ZFAT: variants seen among roughly 807,000 people sequenced by gnomAD.
ZFAT encodes zinc finger and AT-hook domain containing.
Under a neutral mutation model 117.7 loss-of-function variants are expected in ZFAT, and 64 were observed. That is an observed-to-expected ratio of 0.54 (90% confidence interval 0.44 to 0.67). The LOEUF (loss-of-function observed/expected upper bound fraction) is 0.67, where lower values mean the gene tolerates loss of function less well. Among genes scored for constraint, ZFAT ranks in the 30% least tolerant of loss-of-function variants. The probability of loss-of-function intolerance (pLI) is 0.00; values close to 1 mark genes in which losing one functional copy is unlikely to be tolerated. For missense variants in ZFAT, 1,433 were observed against 1,584.5 expected (o/e 0.90, Z 1.62); for synonymous variants, 679 against 615.0 (o/e 1.10, Z -1.54).
At position 134,478,726 on chromosome 8, in the gene ZFAT, G is replaced by A. The variant is rs917870993; in HGVS notation, c.3493-5C>T. The A allele has an allele frequency of 3.3e-5, 51 of 1,551,954 alleles. No homozygotes were observed. The highest frequency in any genetic ancestry group is 1.7e-4 in the East Asian group (7 of 41,150). On this transcript the variant is annotated splice_polypyrimidine_tract_variant and splice_region_variant and intron_variant, in intron 15 of 15. Transcript: ENST00000377838. The surrounding 1 kb of genome is among the most constrained non-coding windows in gnomAD (Gnocchi z 5.2). ...GCTGGGCTCCTCCTCGGTGACCTGCGGGAGGAGGGCAAGAGAAAGGTCACC... is the reference window on the plus strand; with the variant it reads ...GCTGGGCTCCTCCTCGGTGACCTGCAGGAGGAGGGCAAGAGAAAGGTCACC...
intron 4 of ZFAT, 136 bp from the exon 5 acceptor site, chr8:134,609,015 C>T: frequency 9.2e-7 from 1 of 1,092,882 alleles, no homozygotes; most frequent in Middle Eastern, 3.1e-4. Flanking sequence ...TTTCACTCAG[C>T]TCGCACATTT....
chr8:134,760,477 C>A, the ZFAT span, among the ~76,000 whole-genome samples: 1 of 152,232 alleles, frequency 6.6e-6, no homozygotes, highest in East Asian at 1.9e-4. Context: ...TCTATCTGTT[C>A]TCTGTTGGAG....
At chr8:134,750,643 G>A in the ZFAT span, among the ~76,000 whole-genome samples, 3 of 152,170 alleles carry the variant, frequency 2.0e-5, no homozygotes, top group South Asian at 2.1e-4. Flanking sequence ...GTGCATGCCT[G>A]TAGTCCAAAC....
At chr8:134,626,831 T>A (rs568292911) in intron 3 of ZFAT, among the ~76,000 whole-genome samples, 17 of 152,360 alleles carry the variant, frequency 1.1e-4, no homozygotes, top group Admixed American at 2.0e-4. Flanking sequence ...TCTGAGCTTT[T>A]TATCTGAACT....
chr8:134,508,305 A>T (rs1819563673), intron 15 of ZFAT, among the ~76,000 whole-genome samples: 1 of 152,214 alleles, frequency 6.6e-6, no homozygotes. Context: ...CAGCGCTGGG[A>T]TGTCCCCTCC....
the ZFAT span, among the ~76,000 whole-genome samples, chr8:134,762,317 G>T: frequency 6.6e-6 from 1 of 152,180 alleles, no homozygotes; most frequent in African/African-American, 2.4e-5. Flanking sequence ...CTCTGTGACA[G>T]AATTGTTTGT....
chr8:134,769,467 G>A, the ZFAT span, among the ~76,000 whole-genome samples: 2 of 152,210 alleles, frequency 1.3e-5, no homozygotes, highest in African/African-American at 2.4e-5. Context: ...GCAAGAGGTG[G>A]GTTTCCATGG....
At chr8:134,536,472 C>T (rs1421977892) in intron 11 of ZFAT, among the ~76,000 whole-genome samples, 1 of 152,166 alleles carries the variant, frequency 6.6e-6, no homozygotes, top group African/African-American at 2.4e-5. Flanking sequence ...AAGTCAATTA[C>T]CACCCATTTT....
At chr8:134,632,313 A>G (rs1829943133) in intron 3 of ZFAT, among the ~76,000 whole-genome samples, 2 of 152,246 alleles carry the variant, frequency 1.3e-5, no homozygotes, top group African/African-American at 4.8e-5. Flanking sequence ...GAAATAGTAT[A>G]TAATACATAT....
At chr8:134,796,429 A>G in the ZFAT span, 12 of 152,234 alleles carry the variant, frequency 7.9e-5, no homozygotes, top group Non-Finnish European at 1.3e-4. Flanking sequence ...GCAGTAAAGA[A>G]CTGCTGGTTG....
chr8:134,570,996 A>G (rs1824850807), intron 10 of ZFAT, among the ~76,000 whole-genome samples: 1 of 152,202 alleles, frequency 6.6e-6, no homozygotes, highest in African/African-American at 2.4e-5. Flanking sequence ...AGAGAGGACC[A>G]AAGGTGGAGG....
At chr8:134,667,403 G>C in intron 1 of ZFAT, among the ~76,000 whole-genome samples, 1 of 150,080 alleles carries the variant, frequency 6.7e-6, no homozygotes, top group Non-Finnish European at 1.5e-5. Flanking sequence ...TGAGGCAGGA[G>C]AATGGCATGA....
intron 2 of ZFAT, among the ~76,000 whole-genome samples, chr8:134,653,310 T>A (rs1447105220): frequency 7.3e-6 from 1 of 136,670 alleles, no homozygotes; most frequent in East Asian, 2.4e-4. Context: ...AGGGTCTCAC[T>A]CTATCACCCA....
chr8:134,577,890 G>A (rs75798230), intron 10 of ZFAT, among the ~76,000 whole-genome samples: 3,045 of 152,246 alleles, frequency 0.02, 114 homozygotes, highest in African/African-American at 0.07. Context: ...AGAAAGATAA[G>A]CCAAGGAGAG....
intron 11 of ZFAT, 61 bp from the exon 12 acceptor site, chr8:134,533,033 G>A: frequency 1.3e-6 from 2 of 1,546,978 alleles, no homozygotes; most frequent in South Asian, 1.2e-5. Flanking sequence ...CTTCGCTGCT[G>A]CTCCCACCTG....
chr8:134,770,721 A>C, the ZFAT span, among the ~76,000 whole-genome samples: 3 of 152,252 alleles, frequency 2.0e-5, no homozygotes, highest in African/African-American at 7.2e-5. Flanking sequence ...TTTCAAAAGC[A>C]AATGGCAGAA....
intron 15 of ZFAT, among the ~76,000 whole-genome samples, chr8:134,495,082 A>C (rs1458568119): frequency 1.3e-5 from 2 of 152,156 alleles, no homozygotes; most frequent in East Asian, 3.9e-4. Context: ...AGCTCCCCTG[A>C]CTTTGGGCAA....
the ZFAT span, among the ~76,000 whole-genome samples, chr8:134,752,637 T>C: frequency 1.3e-5 from 2 of 152,120 alleles, no homozygotes; most frequent in African/African-American, 4.8e-5. Flanking sequence ...ACAAAAGACA[T>C]TTATTTCCCA....
At chr8:134,484,969 A>AATGACG (rs1254742271) in intron 15 of ZFAT, among the ~76,000 whole-genome samples, 2 of 152,008 alleles carry the variant, frequency 1.3e-5, no homozygotes, top group East Asian at 3.9e-4. Flanking sequence ...GTAAACACAC[A>AATGACG]ATGATGATGA....
Sources: gnomAD v4.1 joint callset for allele counts (sites outside exome capture counted in the v4.1 genomes callset) on GRCh38, gnomAD v4.1.1 for gene constraint, Gnocchi (gnomAD v3.1) non-coding constraint, MANE v1.5 for transcripts, NCBI Gene and HGNC (gene_info 2026-07-23, HGNC 2026-07-21) for gene names.